Variants in ANK3 observed in about 807,000 individuals in gnomAD.
ANK3 encodes the protein ankyrin 3, also known as ankyrin-3.
A neutral mutation model predicts 370.9 loss-of-function variants in ANK3; 57 were observed. The observed-to-expected ratio is 0.15, with a 90% CI of 0.12 to 0.19. The LOEUF (loss-of-function observed/expected upper bound fraction) is 0.19, where lower values mean the gene tolerates loss of function less well. ANK3 is among the 10% of genes least tolerant of loss of function. The pLI is 1.00. For missense variants in ANK3, 4,439 were observed against 5,302.1 expected (o/e 0.84, Z 5.06); for synonymous variants, 1,929 against 1,946.3 (o/e 0.99, Z 0.23).
At chr10:60,268,211 C>T (rs1755178447) in intron 5 of ANK3, among the ~76,000 whole-genome samples, 1 of 152,136 alleles carries the variant, frequency 6.6e-6, no homozygotes, top group African/African-American at 2.4e-5. Flanking sequence ...TGGTTATTTC[C>T]TAACTAGCTT....
At chr10:60,352,620 T>A (rs944990307) in intron 1 of ANK3, among the ~76,000 whole-genome samples, 10 of 152,158 alleles carry the variant, frequency 6.6e-5, no homozygotes, top group African/African-American at 2.4e-4. Flanking sequence ...CTTCCTATGA[T>A]GTTCTTCAGA....
chr10:60,299,807 A>T (rs2043295982), intron 1 of ANK3, among the ~76,000 whole-genome samples: 1 of 152,172 alleles, frequency 6.6e-6, no homozygotes, highest in South Asian at 2.1e-4. Context: ...ATAAAATTAC[A>T]TTTTCCAACT....
At chr10:60,384,318 A>T (rs2061960264) in intron 1 of ANK3, among the ~76,000 whole-genome samples, 1 of 152,222 alleles carries the variant, frequency 6.6e-6, no homozygotes, top group Admixed American at 6.5e-5. Context: ...TCTTAAGAAA[A>T]AACATTAAAA....
chr10:60,286,205 A>G (rs1434955546), intron 1 of ANK3, among the ~76,000 whole-genome samples: 1 of 152,140 alleles, frequency 6.6e-6, no homozygotes, highest in Non-Finnish European at 1.5e-5. Flanking sequence ...CTCCTAAGGC[A>G]TCCTCTGTTT....
At chr10:60,056,176 G>A in intron 41 of ANK3, 140 bp from the exon 42 acceptor site, 2 of 1,078,034 alleles carry the variant, frequency 1.9e-6, no homozygotes, top group South Asian at 1.7e-5. Context: ...GTGGCCACTG[G>A]ATTTAAAATG....
chr10:60,102,551 A>C (rs1257512010), intron 28 of ANK3, among the ~76,000 whole-genome samples: 4 of 152,130 alleles, frequency 2.6e-5, no homozygotes, highest in African/African-American at 7.2e-5. Context: ...CAACCACCAC[A>C]TTACATGGGG....
At chr10:60,687,198 C>T (rs1380259758) in intron 1 of ANK3, among the ~76,000 whole-genome samples, 1 of 152,162 alleles carries the variant, frequency 6.6e-6, no homozygotes, top group Non-Finnish European at 1.5e-5. Context: ...TTAAGCAACA[C>T]ACAACTGTAT....
chr10:60,174,418 C>CT (rs2095871690), intron 18 of ANK3, among the ~76,000 whole-genome samples: 1 of 152,156 alleles, frequency 6.6e-6, no homozygotes, highest in Non-Finnish European at 1.5e-5. Context: ...CATTTGCCTG[C>CT]TTTGCAGGGT....
chr10:60,319,001 T>G (rs556807744), intron 1 of ANK3, among the ~76,000 whole-genome samples: 38 of 152,322 alleles, frequency 2.5e-4, no homozygotes, highest in African/African-American at 8.7e-4. Context: ...TCTTCACTAA[T>G]CAGCAGCGCC....
chr10:60,029,625 G>T lies in ANK3; in HGVS notation c.*221C>A, dbSNP rs1015863760. 1 of 152,540 alleles carries T rather than the reference G, an allele frequency of 6.6e-6. No individual in the cohort carries two copies. Among genetic ancestry groups the T allele is most frequent in the Non-Finnish European group, 1.5e-5 (1 of 68,038 alleles). The allele number at this position is 152,540 out of a possible 1,614,324, so 9.4% of individuals were successfully genotyped here. On this transcript the variant is annotated 3_prime_UTR_variant, in exon 44 of 44. Transcript: ENST00000280772. The stretch of plus-strand genomic sequence containing the variant: ...ATTGCACACGCGCCAATCCGGAAAT[G>T]AAAGTGATTTCCATGCTCTGTAAAT...
At chr10:60,201,528 G>A (rs1272721857) in intron 12 of ANK3, among the ~76,000 whole-genome samples, 1 of 152,104 alleles carries the variant, frequency 6.6e-6, no homozygotes, top group African/African-American at 2.4e-5. Context: ...GCAGATCATG[G>A]GTGGTAAGTT....
intron 1 of ANK3, among the ~76,000 whole-genome samples, chr10:60,643,449 T>C (rs1274454016): frequency 6.6e-6 from 1 of 152,178 alleles, no homozygotes; most frequent in East Asian, 1.9e-4. Flanking sequence ...GCAGACAGCC[T>C]ATTGTGGGAT....
chr10:60,696,643 G>C, intron 1 of ANK3, among the ~76,000 whole-genome samples: 1 of 147,724 alleles, frequency 6.8e-6, no homozygotes. Context: ...CAGAACCAAA[G>C]ACAAAAACCA....
intron 2 of ANK3, among the ~76,000 whole-genome samples, chr10:60,571,111 T>C (rs1014953927): frequency 6.6e-6 from 1 of 150,960 alleles, no homozygotes; most frequent in Non-Finnish European, 1.5e-5. Context: ...AAACAAATCA[T>C]TTGTGCTGTG....
chr10:60,088,086 A>C, intron 29 of ANK3, 61 bp downstream of exon 29: 1 of 1,380,742 alleles, frequency 7.2e-7, no homozygotes, highest in Admixed American at 1.7e-5. Flanking sequence ...TTTCCAGAGC[A>C]AAACATGCAC....
At chr10:60,481,444 T>C (rs1033378852) in intron 2 of ANK3, among the ~76,000 whole-genome samples, 5 of 151,318 alleles carry the variant, frequency 3.3e-5, no homozygotes, top group Admixed American at 1.3e-4. Context: ...GTAGTTCCTA[T>C]TGGCTATGAA....
intron 23 of ANK3, among the ~76,000 whole-genome samples, chr10:60,160,723 C>T (rs2095477079): frequency 6.6e-6 from 1 of 151,970 alleles, no homozygotes; most frequent in African/African-American, 2.4e-5. Flanking sequence ...GATTCATCAC[C>T]CAGGGATGCA....
At chr10:60,459,342 C>T (rs757322194) in intron 2 of ANK3, among the ~76,000 whole-genome samples, 2 of 152,108 alleles carry the variant, frequency 1.3e-5, no homozygotes, top group Admixed American at 6.6e-5. Flanking sequence ...ATTTCAAAAC[C>T]CTGTATGATC....
At chr10:60,254,244 C>T (rs1415833092) in intron 7 of ANK3, among the ~76,000 whole-genome samples, 2 of 118,144 alleles carry the variant, frequency 1.7e-5, no homozygotes, top group Non-Finnish European at 4.1e-5. Flanking sequence ...TTTTTTTTTC[C>T]CCCCAAATAT....
Sources: gnomAD v4.1 joint callset for allele counts (sites outside exome capture counted in the v4.1 genomes callset) on GRCh38, gnomAD v4.1.1 for gene constraint, MANE v1.5 for transcripts, NCBI Gene and HGNC (gene_info 2026-07-23, HGNC 2026-07-21) for gene names.